Variants in NTRK2 observed in about 807,000 individuals in gnomAD.
NTRK2 encodes the protein BDNF/NT-3 growth factors receptor.
In NTRK2, 13 loss-of-function variants were observed where a neutral mutation model predicts 94.5. That is an observed-to-expected ratio of 0.14 (90% CI 0.09 to 0.22). The LOEUF is 0.22. NTRK2 is among the 10% of genes least tolerant of loss of function. The probability of loss-of-function intolerance (pLI) is 1.00; values close to 1 mark genes in which losing one functional copy is unlikely to be tolerated. For synonymous variants in NTRK2, 372 were observed against 407.4 expected, an observed-to-expected ratio of 0.91 and a Z score of 1.05; for missense variants, 639 against 1,071.2, an observed-to-expected ratio of 0.60 and a Z score of 5.63.
At chr9:84,796,599 G>T (rs1201010598) in intron 12 of NTRK2, among the ~76,000 whole-genome samples, 4 of 152,164 alleles carry the variant, frequency 2.6e-5, no homozygotes, top group African/African-American at 7.2e-5. Context: ...TCAAAAGATG[G>T]TATTAATCTA....
intron 14 of NTRK2, among the ~76,000 whole-genome samples, chr9:84,869,998 A>C (rs1169526419): frequency 6.6e-6 from 1 of 150,888 alleles, no homozygotes; most frequent in Non-Finnish European, 1.5e-5. Context: ...CAGAAATTAA[A>C]ATATTTCAAA....
chr9:85,023,915 A>G lies in NTRK2; in HGVS notation c.*2478A>G, dbSNP rs992674234. ...ATTTAAGGGATCAAATTCAAGGAGGAATGTGCAATTTTAGAGCAAAGATTT... is the reference window on the plus strand; with the variant it reads ...ATTTAAGGGATCAAATTCAAGGAGGGATGTGCAATTTTAGAGCAAAGATTT... On this transcript the variant is annotated 3_prime_UTR_variant, in exon 19 of 19. Transcript: ENST00000277120. 1 of 230,072 alleles carries G rather than the reference A, an allele frequency of 4.3e-6. No homozygotes were observed. Among genetic ancestry groups the G allele is most frequent in the East Asian group, 6.2e-5 (1 of 16,054 alleles). 14.3% of individuals were successfully genotyped at this position (230,072 alleles called of 1,614,324 possible).
At chr9:84,725,513 G>T (rs1198641373) in intron 8 of NTRK2, among the ~76,000 whole-genome samples, 1 of 151,998 alleles carries the variant, frequency 6.6e-6, no homozygotes, top group Admixed American at 6.6e-5. Context: ...TGGGCTGGTG[G>T]GAGGAAGGTA....
intron 12 of NTRK2, among the ~76,000 whole-genome samples, chr9:84,798,289 C>T (rs1289415873): frequency 6.6e-6 from 1 of 152,104 alleles, no homozygotes; most frequent in African/African-American, 2.4e-5. Context: ...AAATGCCCCA[C>T]CTGTTAATAT....
At chr9:84,878,766 C>T (rs1323918131) in intron 14 of NTRK2, among the ~76,000 whole-genome samples, 1 of 151,994 alleles carries the variant, frequency 6.6e-6, no homozygotes, top group Non-Finnish European at 1.5e-5. Context: ...ATTGTGTGCA[C>T]AAAGCAAGAA....
intron 12 of NTRK2, among the ~76,000 whole-genome samples, chr9:84,826,225 C>G (rs1462361283): frequency 6.6e-6 from 1 of 152,066 alleles, no homozygotes; most frequent in Non-Finnish European, 1.5e-5. Context: ...AGGGTTGGTT[C>G]CTTTTGGAGG....
intron 12 of NTRK2, among the ~76,000 whole-genome samples, chr9:84,830,240 G>C (rs192902319): frequency 1.1e-4 from 16 of 152,246 alleles, no homozygotes; most frequent in Non-Finnish European, 1.8e-4. Context: ...ACACACCCTA[G>C]GCACAAGTCT....
intron 14 of NTRK2, among the ~76,000 whole-genome samples, chr9:84,909,834 A>G (rs1001027977): frequency 6.6e-6 from 1 of 152,076 alleles, no homozygotes; most frequent in Non-Finnish European, 1.5e-5. Context: ...TAGTAGTCCT[A>G]TGTCATTTAT....
chr9:84,946,583 G>GGGT (rs1564490413), intron 15 of NTRK2, among the ~76,000 whole-genome samples: 1 of 152,172 alleles, frequency 6.6e-6, no homozygotes, highest in Non-Finnish European at 1.5e-5. Context: ...CAGCAATGAG[G>GGGT]GGTGGTCAGG....
At chr9:85,004,369 C>T (rs748649986) in intron 17 of NTRK2, among the ~76,000 whole-genome samples, 8 of 152,108 alleles carry the variant, frequency 5.3e-5, no homozygotes, top group Non-Finnish European at 7.4e-5. Context: ...TTGTCTTCAT[C>T]TCCAAAGACA....
intron 17 of NTRK2, among the ~76,000 whole-genome samples, chr9:84,959,888 T>G (rs751594613): frequency 2.0e-5 from 3 of 152,168 alleles, no homozygotes; most frequent in Non-Finnish European, 4.4e-5. Flanking sequence ...GCCCCTTGGG[T>G]GGTTTGCACT....
chr9:85,003,812 T>C (rs1830579874), intron 17 of NTRK2, among the ~76,000 whole-genome samples: 1 of 150,766 alleles, frequency 6.6e-6, no homozygotes, highest in Non-Finnish European at 1.5e-5. Context: ...ACAGTGAAGA[T>C]GGGGGGAATG....
chr9:85,019,715 C>T (rs1483228383), intron 17 of NTRK2, among the ~76,000 whole-genome samples: 2 of 152,198 alleles, frequency 1.3e-5, no homozygotes, highest in East Asian at 1.9e-4. Flanking sequence ...ACCTGCCCAT[C>T]GCTGAGTGAT....
At chr9:84,829,314 A>C (rs2073387149) in intron 12 of NTRK2, among the ~76,000 whole-genome samples, 1 of 152,112 alleles carries the variant, frequency 6.6e-6, no homozygotes, top group Non-Finnish European at 1.5e-5. Flanking sequence ...ATCAATTTTC[A>C]CATGAAATTT....
At chr9:84,955,553 T>TCTTTCCCTGCGGGACCC (rs2132981305) in intron 17 of NTRK2, 36 bp downstream of exon 17, 1 of 1,538,178 alleles carries the variant, frequency 6.5e-7, no homozygotes. Flanking sequence ...CCCAGGGACC[T>TCTTTCCCTGCGGGACCC]CTTTCCCTGC....
intron 16 of NTRK2, 113 bp from the exon 17 acceptor site, chr9:84,955,170 C>A: frequency 1.2e-6 from 1 of 832,882 alleles, no homozygotes; most frequent in Non-Finnish European, 2.0e-6. Flanking sequence ...GCACCAGCAG[C>A]TACAGGGTGG....
chr9:85,024,692 A>G lies in NTRK2; in HGVS notation c.*3255A>G, dbSNP rs1232594936. ...AGCAGTATATGAAGTTAGAAGAACA[A>G]AAGGAAATACAGGAGATGACAAGCA... On this transcript the variant is annotated 3_prime_UTR_variant, in exon 19 of 19. Transcript: ENST00000277120. 1 of 233,028 alleles carries G rather than the reference A, an allele frequency of 4.3e-6. No homozygotes were observed. The highest frequency in any genetic ancestry group is 8.5e-6 in the Non-Finnish European group (1 of 117,964). The allele number at this position is 233,028 out of a possible 1,614,324, so 14.4% of individuals were successfully genotyped here.
chr9:85,020,613 C>T (rs1198218994), intron 18 of NTRK2, among the ~76,000 whole-genome samples: 7 of 152,188 alleles, frequency 4.6e-5, no homozygotes, highest in African/African-American at 1.7e-4. Context: ...TGAGGAGTCA[C>T]TTTATGCAGC....
chr9:84,681,754 G>A (rs1641955604), intron 2 of NTRK2, among the ~76,000 whole-genome samples: 1 of 152,064 alleles, frequency 6.6e-6, no homozygotes, highest in Non-Finnish European at 1.5e-5. Context: ...ATCTTATCCT[G>A]TCACTGCTTA....
Sources: allele counts gnomAD v4.1 joint callset (sites outside exome capture counted in the v4.1 genomes callset), GRCh38; gene constraint gnomAD v4.1.1; transcripts MANE v1.5; gene names NCBI Gene and HGNC (gene_info 2026-07-23, HGNC 2026-07-21).